SNX18: variants seen among roughly 807,000 people sequenced by gnomAD.
The protein encoded by SNX18 is sorting nexin-18.
Under a neutral mutation model 48.7 loss-of-function variants are expected in SNX18, and 35 were observed. That is an observed-to-expected ratio of 0.72 (90% confidence interval 0.55 to 0.95). The LOEUF (loss-of-function observed/expected upper bound fraction) is 0.95. Among genes scored for constraint, SNX18 ranks in the 40% least tolerant of loss-of-function variants. SNX18 has a pLI of 0.00. For synonymous variants in SNX18, 492 were observed against 384.7 expected (o/e 1.28, Z -3.26); for missense variants, 824 against 871.0 (o/e 0.95, Z 0.68).
chr5:54,525,124 C>T (rs2548607), intron 1 of SNX18, among the ~76,000 whole-genome samples: 36,208 of 152,186 alleles, frequency 0.24, 4,812 homozygotes, highest in East Asian at 0.43. Flanking sequence ...ACCTGCGTAA[C>T]GCTCACTTAT....
the SNX18 span, among the ~76,000 whole-genome samples, chr5:54,624,539 A>G: frequency 1.3e-5 from 2 of 152,334 alleles, no homozygotes; most frequent in East Asian, 1.9e-4. Context: ...AGCAATTCAG[A>G]ACTTACAAGT....
the SNX18 span, among the ~76,000 whole-genome samples, chr5:54,589,432 T>C: frequency 0.04 from 6,047 of 152,234 alleles, 161 homozygotes; most frequent in South Asian, 0.062. Flanking sequence ...CTTCTTAACT[T>C]AAGGGAAAAA....
chr5:54,624,487 G>C, the SNX18 span, among the ~76,000 whole-genome samples: 1 of 152,162 alleles, frequency 6.6e-6, no homozygotes, highest in Non-Finnish European at 1.5e-5. Context: ...AGCAAAAGCA[G>C]GACAATGCAG....
intron 1 of SNX18, among the ~76,000 whole-genome samples, chr5:54,531,209 A>G (rs571259681): frequency 4.7e-4 from 72 of 152,170 alleles, no homozygotes; most frequent in African/African-American, 1.7e-3. Flanking sequence ...TTGGAAAGGA[A>G]CAGGTGAACT....
chr5:54,557,942 G>A, the SNX18 span, among the ~76,000 whole-genome samples: 20 of 151,958 alleles, frequency 1.3e-4, no homozygotes, highest in Admixed American at 9.2e-4. Context: ...CATGTTGCCC[G>A]GGCTGGTCTC....
the SNX18 span, among the ~76,000 whole-genome samples, chr5:54,631,466 T>G: frequency 7.8e-6 from 1 of 127,490 alleles, no homozygotes; most frequent in African/African-American, 3.2e-5. Context: ...TAACCTCTCT[T>G]TCTGTCAATA....
chr5:54,625,702 G>A, the SNX18 span, among the ~76,000 whole-genome samples: 1 of 152,184 alleles, frequency 6.6e-6, no homozygotes, highest in Non-Finnish European at 1.5e-5. Flanking sequence ...AGGAACCAAC[G>A]GAGGCCATCT....
the SNX18 span, among the ~76,000 whole-genome samples, chr5:54,608,809 T>C: frequency 6.6e-6 from 1 of 152,196 alleles, no homozygotes; most frequent in African/African-American, 2.4e-5. Flanking sequence ...CCTCCTAGGC[T>C]GGTGGGAAAT....
At chr5:54,566,456 G>C in the SNX18 span, among the ~76,000 whole-genome samples, 2 of 152,216 alleles carry the variant, frequency 1.3e-5, no homozygotes, top group Non-Finnish European at 1.5e-5. Flanking sequence ...ACTTCAGCCT[G>C]TGTGGACAAA....
At chr5:54,635,570 T>A in the SNX18 span, among the ~76,000 whole-genome samples, 2 of 152,114 alleles carry the variant, frequency 1.3e-5, no homozygotes, top group African/African-American at 4.8e-5. Context: ...ATCATGTTGG[T>A]CCCAGCAGGT....
chr5:54,592,256 C>T, the SNX18 span, among the ~76,000 whole-genome samples: 1 of 152,102 alleles, frequency 6.6e-6, no homozygotes, highest in Non-Finnish European at 1.5e-5. Flanking sequence ...TCCACAACTC[C>T]AGAATCAACC....
the SNX18 span, among the ~76,000 whole-genome samples, chr5:54,628,193 T>C: frequency 6.6e-6 from 1 of 152,200 alleles, no homozygotes; most frequent in Non-Finnish European, 1.5e-5. Flanking sequence ...TGGGATGTTA[T>C]GCTTCACCTC....
rs1222864552 is a variant in SNX18 at position 54,544,269 on chromosome 5, A to G, written c.*837A>G. On this transcript the variant is annotated 3_prime_UTR_variant, in exon 2 of 2. Coordinates refer to ENST00000381410, the MANE Select transcript of SNX18 (RefSeq NM_001102575.2). Reference sequence around the variant, plus strand: ...GATTTCAGCAAACATGTCTTACAACATGAGGAGGAGGAGTCTAAATCAGTC... The same window carrying G: ...GATTTCAGCAAACATGTCTTACAACGTGAGGAGGAGGAGTCTAAATCAGTC... 1 of 152,182 alleles carries G rather than the reference A, an allele frequency of 6.6e-6. No individual in the cohort carries two copies. The highest frequency in any genetic ancestry group is 1.5e-5 in the Non-Finnish European group (1 of 68,046). The allele number at this position is 152,182 out of a possible 1,614,324, so 9.4% of individuals were successfully genotyped here. A position where few individuals can be genotyped will look rare whatever the true frequency, so the allele number is the denominator to read the frequency against.
the SNX18 span, among the ~76,000 whole-genome samples, chr5:54,588,308 T>C: frequency 0.067 from 373 of 5,560 alleles, 2 homozygotes; most frequent in African/African-American, 0.23. Flanking sequence ...TTTCTATTCT[T>C]TTTTTTTTTT....
At chr5:54,562,600 TAAAC>T in the SNX18 span, among the ~76,000 whole-genome samples, 2 of 152,286 alleles carry the variant, frequency 1.3e-5, no homozygotes, top group South Asian at 2.1e-4. Flanking sequence ...GATGCTGGTG[TAAAC>T]AAACCTCCTG....
At chr5:54,607,545 A>G in the SNX18 span, among the ~76,000 whole-genome samples, 4 of 152,230 alleles carry the variant, frequency 2.6e-5, no homozygotes, top group East Asian at 7.7e-4. Flanking sequence ...TGTTGCCTGT[A>G]TAGTATTCCA....
At chr5:54,614,475 G>T in the SNX18 span, among the ~76,000 whole-genome samples, 2 of 152,090 alleles carry the variant, frequency 1.3e-5, no homozygotes, top group Non-Finnish European at 2.9e-5. Flanking sequence ...TAATATACAT[G>T]TTCTTTCTAA....
intron 1 of SNX18, among the ~76,000 whole-genome samples, chr5:54,532,419 TTGAA>T (rs2112848853): frequency 6.6e-6 from 1 of 151,892 alleles, no homozygotes; most frequent in South Asian, 2.1e-4. Context: ...TTCTCTGAAT[TTGAA>T]CCATTATATG....
intron 1 of SNX18, among the ~76,000 whole-genome samples, chr5:54,527,670 A>G (rs147927153): frequency 6.6e-6 from 1 of 152,260 alleles, no homozygotes; most frequent in East Asian, 1.9e-4. Flanking sequence ...CTTGGATTGT[A>G]GTCCTTTTGT....
Sources: allele counts gnomAD v4.1 joint callset (sites outside exome capture counted in the v4.1 genomes callset), GRCh38; gene constraint gnomAD v4.1.1; transcripts MANE v1.5; gene names NCBI Gene and HGNC (gene_info 2026-07-23, HGNC 2026-07-21).